Variants in NRXN3 observed in about 807,000 individuals in gnomAD.
NRXN3 encodes neurexin III.
A neutral mutation model predicts 137.6 loss-of-function variants in NRXN3; 32 were observed. That is an observed-to-expected ratio of 0.23 (90% CI 0.18 to 0.31). The LOEUF (loss-of-function observed/expected upper bound fraction) is 0.31. NRXN3 is among the 10% of genes least tolerant of loss of function. The pLI, the probability that NRXN3 is intolerant of heterozygous loss-of-function variation, is 1.00. For missense variants in NRXN3, 1,574 were observed against 2,062.5 expected (o/e 0.76, Z 4.59); for synonymous variants, 798 against 784.5 (o/e 1.02, Z -0.29).
intron 4 of NRXN3, among the ~76,000 whole-genome samples, chr14:78,636,040 C>T (rs2097564200): frequency 1.3e-5 from 2 of 152,180 alleles, no homozygotes; most frequent in Non-Finnish European, 2.9e-5. Context: ...TGAATTTCTC[C>T]TGATACTTTT....
intron 4 of NRXN3, among the ~76,000 whole-genome samples, chr14:78,554,362 A>G (rs1444231554): frequency 6.6e-6 from 1 of 152,062 alleles, no homozygotes; most frequent in Non-Finnish European, 1.5e-5. Context: ...CCTGGGGTGG[A>G]ACCCTTCTGC....
intron 19 of NRXN3, among the ~76,000 whole-genome samples, chr14:79,725,115 G>A (rs544971333): frequency 1.3e-5 from 2 of 152,226 alleles, no homozygotes; most frequent in South Asian, 2.1e-4. Flanking sequence ...AACTGTTTGG[G>A]AGATCAAAGA....
intron 1 of NRXN3, among the ~76,000 whole-genome samples, chr14:78,214,206 G>C (rs927054226): frequency 6.6e-6 from 1 of 152,184 alleles, no homozygotes; most frequent in African/African-American, 2.4e-5. Flanking sequence ...TGGCCTTTCA[G>C]TCTCTTGCAC....
chr14:79,098,522 A>G (rs1466853974), intron 15 of NRXN3, among the ~76,000 whole-genome samples: 1 of 152,168 alleles, frequency 6.6e-6, no homozygotes, highest in Non-Finnish European at 1.5e-5. Flanking sequence ...TTTCCCACAC[A>G]TTCTCACCCT....
At chr14:79,629,298 A>T (rs2098316860) in intron 16 of NRXN3, among the ~76,000 whole-genome samples, 1 of 152,158 alleles carries the variant, frequency 6.6e-6, no homozygotes, top group Non-Finnish European at 1.5e-5. Flanking sequence ...CAATACACTG[A>T]ATTTTCTTAG....
chr14:79,486,228 G>A (rs184747892), intron 16 of NRXN3, among the ~76,000 whole-genome samples: 1 of 152,158 alleles, frequency 6.6e-6, no homozygotes, highest in Admixed American at 6.5e-5. Context: ...AAGAGCCAAG[G>A]CCCAATTTAA....
chr14:79,760,490 G>T (rs1461604355), intron 19 of NRXN3, among the ~76,000 whole-genome samples: 1 of 145,300 alleles, frequency 6.9e-6, no homozygotes, highest in African/African-American at 2.6e-5. Flanking sequence ...CTCTTTAAAG[G>T]AAAGAAGTTA....
At chr14:79,594,618 C>T (rs2097843694) in intron 16 of NRXN3, among the ~76,000 whole-genome samples, 1 of 152,018 alleles carries the variant, frequency 6.6e-6, no homozygotes, top group Non-Finnish European at 1.5e-5. Context: ...TTATGAACAT[C>T]AATTTCTCAT....
chr14:79,608,640 CA>C (rs1484909885), intron 16 of NRXN3, among the ~76,000 whole-genome samples: 1 of 152,166 alleles, frequency 6.6e-6, no homozygotes, highest in African/African-American at 2.4e-5. Flanking sequence ...GCCGGCCTGG[CA>C]ATGGCTGTGG....
intron 15 of NRXN3, among the ~76,000 whole-genome samples, chr14:79,403,267 C>T (rs1056644068): frequency 2.0e-5 from 3 of 152,106 alleles, no homozygotes; most frequent in Non-Finnish European, 4.4e-5. Context: ...GCATGGGCCT[C>T]CTTAATCCTA....
chr14:79,234,671 G>C (rs546952624), intron 15 of NRXN3, among the ~76,000 whole-genome samples: 2 of 151,744 alleles, frequency 1.3e-5, no homozygotes, highest in East Asian at 3.9e-4. Context: ...TGTAAGCCAG[G>C]GTAGCTTTTT....
intron 6 of NRXN3, among the ~76,000 whole-genome samples, chr14:78,682,554 G>A (rs893363008): frequency 2.6e-5 from 4 of 151,968 alleles, no homozygotes; most frequent in Non-Finnish European, 4.4e-5. Flanking sequence ...ACAGCCTCAG[G>A]GCATTGATTT....
chr14:78,666,147 A>G (rs557257277), intron 6 of NRXN3, among the ~76,000 whole-genome samples: 2 of 152,304 alleles, frequency 1.3e-5, no homozygotes, highest in Non-Finnish European at 2.9e-5. Context: ...CTCCCTTAAC[A>G]CAATTTTAAG....
intron 1 of NRXN3, among the ~76,000 whole-genome samples, chr14:78,179,571 C>T (rs538739045): frequency 6.6e-6 from 1 of 152,030 alleles, no homozygotes; most frequent in Non-Finnish European, 1.5e-5. Flanking sequence ...CCAGGAGGGT[C>T]GGAAGGGAAC....
At chr14:79,094,979 A>AGAGTGTGT (rs553957969) in intron 15 of NRXN3, among the ~76,000 whole-genome samples, 33,510 of 116,862 alleles carry the variant, frequency 0.29, 5,611 homozygotes, top group Non-Finnish European at 0.39. Flanking sequence ...AGAGAGAGAG[A>AGAGTGTGT]GTGTGTGTGT....
chr14:79,708,395 T>TC (rs1426713741), intron 19 of NRXN3, among the ~76,000 whole-genome samples: 3 of 151,696 alleles, frequency 2.0e-5, no homozygotes, highest in Non-Finnish European at 4.4e-5. Flanking sequence ...AACCAATCAA[T>TC]CCCCCACAGA....
intron 16 of NRXN3, among the ~76,000 whole-genome samples, chr14:79,643,299 G>C (rs1384605670): frequency 7.4e-6 from 1 of 135,464 alleles, no homozygotes; most frequent in African/African-American, 2.5e-5. Context: ...CTGTCTTCCT[G>C]TCTCAGAGGA....
At chr14:78,896,174 G>A (rs2099173931) in intron 10 of NRXN3, among the ~76,000 whole-genome samples, 1 of 151,742 alleles carries the variant, frequency 6.6e-6, no homozygotes, top group Non-Finnish European at 1.5e-5. Flanking sequence ...AAAAAAACTA[G>A]GTATGCTTGT....
rs146680532 is a variant in NRXN3, at chr14:79,698,973, G to T, written c.4014+1036G>T. The stretch of plus-strand genomic sequence containing the variant: ...TTAAATGTATGTGAGCTAGGTAATG[G>T]TAAGTGTATTATCTGTTGCCTTCCT... On this transcript the variant is annotated intron_variant, in intron 19 of 20. Transcript: ENST00000335750. Among the ~76,000 whole-genome samples the T allele has an allele frequency of 5.3e-5, 8 of 152,086 alleles. No individual in the cohort carries two copies. The East Asian group carries it at 1.6e-3, about 29-fold the overall frequency.
Sources: allele counts gnomAD v4.1 joint callset (sites outside exome capture counted in the v4.1 genomes callset), GRCh38; gene constraint gnomAD v4.1.1; transcripts MANE v1.5; gene names NCBI Gene and HGNC (gene_info 2026-07-23, HGNC 2026-07-21).